Variants in FNDC1 observed in about 807,000 individuals in gnomAD.
FNDC1 encodes fibronectin type III domain containing 1, also known as fibronectin type III domain-containing protein 1.
FNDC1 carries 96 observed loss-of-function variants against 168.0 expected under a neutral mutation model. That is an observed-to-expected ratio of 0.57 (90% CI 0.48 to 0.68). The LOEUF is 0.68. FNDC1 is among the 30% of genes least tolerant of loss of function. The pLI, the probability that FNDC1 is intolerant of heterozygous loss-of-function variation, is 0.00. For missense variants in FNDC1, 2,587 were observed against 2,482.1 expected, an observed-to-expected ratio of 1.04 and a Z score of -0.90; for synonymous variants, 1,099 against 1,025.9, an observed-to-expected ratio of 1.07 and a Z score of -1.36.
intron 21 of FNDC1, 110 bp downstream of exon 21, chr6:159,266,355 A>C: frequency 9.0e-7 from 1 of 1,113,818 alleles, no homozygotes; most frequent in East Asian, 2.4e-5. Flanking sequence ...TGGAGCTACG[A>C]CTATGGCTCA....
intron 2 of FNDC1, among the ~76,000 whole-genome samples, chr6:159,199,093 C>A (rs924043028): frequency 3.9e-5 from 6 of 152,218 alleles, no homozygotes; most frequent in Non-Finnish European, 1.5e-5. Flanking sequence ...ACAGAACTAA[C>A]CCTCACCTCT....
chr6:159,217,363 C>T (rs1782730786), intron 5 of FNDC1, among the ~76,000 whole-genome samples: 1 of 152,226 alleles, frequency 6.6e-6, no homozygotes, highest in African/African-American at 2.4e-5. Flanking sequence ...CTGAGGAAGG[C>T]ACAGCCATGC....
At chr6:159,236,964 G>A (rs1454328932) in intron 12 of FNDC1, among the ~76,000 whole-genome samples, 2 of 152,140 alleles carry the variant, frequency 1.3e-5, no homozygotes, top group Non-Finnish European at 2.9e-5. Flanking sequence ...GGAATTTAAA[G>A]TACTTTTTCT....
At chr6:159,268,079 T>A (rs1777628161) in intron 22 of FNDC1, among the ~76,000 whole-genome samples, 153 bp downstream of exon 22, 1 of 152,014 alleles carries the variant, frequency 6.6e-6, no homozygotes, top group Non-Finnish European at 1.5e-5. Flanking sequence ...AAATAAAGAA[T>A]CAACAAAATA....
intron 6 of FNDC1, among the ~76,000 whole-genome samples, chr6:159,222,933 G>T (rs1330072466): frequency 1.4e-5 from 2 of 145,916 alleles, no homozygotes; most frequent in African/African-American, 2.5e-5. Flanking sequence ...CATCCCCTTT[G>T]TACTGTTTTA....
At chr6:159,262,950 C>A (rs1777516060) in intron 19 of FNDC1, among the ~76,000 whole-genome samples, 1 of 152,218 alleles carries the variant, frequency 6.6e-6, no homozygotes, top group Admixed American at 6.5e-5. Context: ...TTTGTGATAA[C>A]CTGCTGAAAA....
rs576926782 is a variant in FNDC1 at position 159,271,379 on chromosome 6, C to T, written c.5622C>T (p.Phe1874=). 636 of 1,612,504 alleles carry T rather than the reference C, an allele frequency of 3.9e-4. 4 individuals carry two copies. Among genetic ancestry groups the T allele is most frequent in the Middle Eastern group, 2.6e-3 (16 of 6,060 alleles). Residue 1874 remains phenylalanine, a synonymous_variant, in exon 23 of 23, where the codon TTC becomes TTT. Transcript: ENST00000297267. The stretch of plus-strand genomic sequence containing the variant: ...CTGTCAGGTTTGGGAACATCGGCTT[C>T]GGAACCCCCTACTACTATGTGGGCT... ...QEPVRFGNIG[F]GTPYYYVGWY...
chr6:159,201,966 T>C (rs1782390567), intron 4 of FNDC1, among the ~76,000 whole-genome samples: 2 of 152,272 alleles, frequency 1.3e-5, no homozygotes, highest in African/African-American at 4.8e-5. Flanking sequence ...TGCACACATG[T>C]GTATGACCTT....
chr6:159,267,690 C>A, intron 21 of FNDC1, 114 bp from the exon 22 acceptor site: 1 of 1,067,224 alleles, frequency 9.4e-7, no homozygotes, highest in Non-Finnish European at 1.4e-6. Flanking sequence ...ACAGCACACA[C>A]AGTTTAAGTA....
At chr6:159,178,476 G>C (rs1781813372) in intron 1 of FNDC1, among the ~76,000 whole-genome samples, 1 of 152,108 alleles carries the variant, frequency 6.6e-6, no homozygotes, top group African/African-American at 2.4e-5. Flanking sequence ...TTGCATAGCT[G>C]TAGTGCCGCA....
At position 159,200,094 on chromosome 6, in the gene FNDC1, C is replaced by A. The variant is rs200944792; in HGVS notation, c.391+12C>A. On this transcript the variant is annotated intron_variant, in intron 3 of 22. Coordinates refer to ENST00000297267, the MANE Select transcript of FNDC1 (RefSeq NM_032532.3). ...TGAAAGCCCACCTGGTAAGTCCTAT[C>A]TAGAATCAGAGGCTGTAGTGTTGTT... The A allele has an allele frequency of 3.2e-6, 5 of 1,574,446 alleles. No individual in the cohort carries two copies. In the South Asian group the frequency reaches 4.6e-5, roughly 15 times the overall value.
At chr6:159,252,864 T>G (rs1777297636) in intron 17 of FNDC1, among the ~76,000 whole-genome samples, 1 of 152,234 alleles carries the variant, frequency 6.6e-6, no homozygotes, top group Admixed American at 6.5e-5. Context: ...CACTGCGCCC[T>G]GATTCAAGGG....
At chr6:159,206,373 C>G (rs1426146131) in intron 4 of FNDC1, among the ~76,000 whole-genome samples, 1 of 152,228 alleles carries the variant, frequency 6.6e-6, no homozygotes, top group Non-Finnish European at 1.5e-5. Flanking sequence ...GTGCACTTCA[C>G]AGGACAAAAG....
chr6:159,259,062 A>G lies in FNDC1; in HGVS notation c.5175-2128A>G, dbSNP rs896268989. On this transcript the variant is annotated intron_variant, in intron 18 of 22. Transcript: ENST00000297267. ...CGGAGTCTGCATATTTTAAATCCATACTTAAAACACACAGACTTGTCATGA... is the reference window on the plus strand; with the variant it reads ...CGGAGTCTGCATATTTTAAATCCATGCTTAAAACACACAGACTTGTCATGA... 2.0e-5 allele frequency among the ~76,000 whole-genome samples: 3 copies of G among 152,352 alleles called. No individual in the cohort carries two copies. In the South Asian group the frequency reaches 6.2e-4, roughly 32 times the overall value.
chr6:159,244,511 T>C (rs1783498136), intron 14 of FNDC1, among the ~76,000 whole-genome samples: 1 of 152,256 alleles, frequency 6.6e-6, no homozygotes, highest in African/African-American at 2.4e-5. Flanking sequence ...GACAGACTAC[T>C]CGAGGTTGCC....
chr6:159,182,879 T>C (rs1357394779), intron 1 of FNDC1, among the ~76,000 whole-genome samples: 3 of 152,214 alleles, frequency 2.0e-5, no homozygotes, highest in Non-Finnish European at 2.9e-5. Flanking sequence ...TTATCTAAGT[T>C]TCCTTTCAAC....
chr6:159,225,552 A>C lies in FNDC1; in HGVS notation c.902A>C (p.Tyr301Ser). 1.2e-6 allele frequency: 2 copies of C among 1,613,538 alleles called. No individual in the cohort carries two copies. The highest frequency in any genetic ancestry group is 1.7e-6 in the Non-Finnish European group (2 of 1,179,568). ...VVASRQYTVR[Y>S]REKGELARWD... ...TCTTACAGACAGTACACCGTGCGCT[A>C]TCGAGAGAAGGGGGAATTGGCCAGG... Residue 301 changes from tyrosine to serine, a missense_variant, in exon 8 of 23, where the codon TAT becomes TCT. Transcript: ENST00000297267.
Position 159,233,062 on chromosome 6 carries a change from G to T in FNDC1, c.2550G>T (p.Gln850His). 1 of 1,609,594 alleles carries T rather than the reference G, an allele frequency of 6.2e-7. No individual in the cohort carries two copies. The highest frequency in any genetic ancestry group is 8.5e-7 in the Non-Finnish European group (1 of 1,178,202). Residue 850 changes from glutamine (Q) to histidine (H), a missense_variant, in exon 11 of 23, where the codon CAG becomes CAT. By Grantham distance (24) the Gln-to-His change is conservative. Coordinates refer to ENST00000297267, the MANE Select transcript of FNDC1 (RefSeq NM_032532.3). This position sits in a 1 kb window ranked among gnomAD's most constrained non-coding sequence, Gnocchi z 4.6. ...GPRLQPSSSP[Q>H]STVPSRAHPR... ...GGCTGCAGCCCTCCAGCTCCCCACA[G>T]TCGACTGTGCCCTCCCGAGCCCACC...
At chr6:159,227,011 G>A (rs568724484) in intron 9 of FNDC1, among the ~76,000 whole-genome samples, 8 of 152,198 alleles carry the variant, frequency 5.3e-5, no homozygotes, top group South Asian at 2.1e-4. Context: ...AGTAATAATC[G>A]CTGGAAAATG....
Sources: allele counts gnomAD v4.1 joint callset (sites outside exome capture counted in the v4.1 genomes callset), GRCh38; gene constraint gnomAD v4.1.1; non-coding constraint Gnocchi (gnomAD v3.1); transcripts MANE v1.5; gene names NCBI Gene and HGNC (gene_info 2026-07-23, HGNC 2026-07-21).